The following TBL1XR1 variants were observed in gnomAD, a reference collection of about 807,000 sequenced individuals.
TBL1XR1 encodes the protein F-box-like/WD repeat-containing protein TBL1XR1.
Under a neutral mutation model 66.9 loss-of-function variants are expected in TBL1XR1, and 5 were observed. That is an observed-to-expected ratio of 0.07 (90% confidence interval 0.04 to 0.16). The LOEUF is 0.16. TBL1XR1 is among the 10% of genes least tolerant of loss of function. TBL1XR1 has a pLI of 1.00. For synonymous variants in TBL1XR1, 210 were observed against 206.0 expected (o/e 1.02, Z -0.17); for missense variants, 238 against 623.2 (o/e 0.38, Z 6.58).
chr3:177,144,170 C>T (rs1453858997), intron 1 of TBL1XR1, among the ~76,000 whole-genome samples: 4 of 151,854 alleles, frequency 2.6e-5, no homozygotes, highest in African/African-American at 9.7e-5. Context: ...GCTTGAACCC[C>T]GGGAGGCGGA....
intron 1 of TBL1XR1, among the ~76,000 whole-genome samples, chr3:177,134,300 A>T (rs1190877462): frequency 6.6e-6 from 1 of 152,166 alleles, no homozygotes; most frequent in Non-Finnish European, 1.5e-5. Flanking sequence ...CAAGAGTATG[A>T]AAGAGGTCAC....
At chr3:177,192,078 G>C (rs1010801041) in intron 1 of TBL1XR1, among the ~76,000 whole-genome samples, 3 of 128,570 alleles carry the variant, frequency 2.3e-5, no homozygotes, top group African/African-American at 9.0e-5. Context: ...GGGTGACAGA[G>C]CAAGACTCTG....
chr3:177,108,746 A>C (rs1311370160), intron 1 of TBL1XR1, among the ~76,000 whole-genome samples: 1 of 152,220 alleles, frequency 6.6e-6, no homozygotes, highest in African/African-American at 2.4e-5. Context: ...AGTTTAAAAA[A>C]TACTAATGGT....
intron 4 of TBL1XR1, 143 bp from the exon 5 acceptor site, chr3:177,051,869 C>G (rs1255029501): frequency 1.9e-6 from 2 of 1,056,770 alleles, no homozygotes; most frequent in Non-Finnish European, 2.6e-6. Flanking sequence ...ATAAGAAGTC[C>G]GGAGGGAATA....
At chr3:177,113,484 TA>T (rs1440011069) in intron 1 of TBL1XR1, among the ~76,000 whole-genome samples, 1 of 152,110 alleles carries the variant, frequency 6.6e-6, no homozygotes, top group Non-Finnish European at 1.5e-5. Context: ...AAATAATATC[TA>T]AAAGAACTTA....
At chr3:177,062,759 T>A (rs1718680249) in intron 3 of TBL1XR1, among the ~76,000 whole-genome samples, 1 of 152,312 alleles carries the variant, frequency 6.6e-6, no homozygotes, top group African/African-American at 2.4e-5. Context: ...AATTTTTTTT[T>A]AATTCTTGGT....
chr3:177,156,532 CACACACACACACACACTTATATATATAT>C (rs2108872249), intron 1 of TBL1XR1, among the ~76,000 whole-genome samples: 1 of 149,544 alleles, frequency 6.7e-6, no homozygotes, highest in South Asian at 2.1e-4. Context: ...CACACACACA[CACACACACACACACACTTATATATATAT>C]ACACACACAT....
At chr3:177,178,569 G>A (rs902514626) in intron 1 of TBL1XR1, among the ~76,000 whole-genome samples, 29 of 152,192 alleles carry the variant, frequency 1.9e-4, no homozygotes, top group Non-Finnish European at 3.8e-4. Context: ...ACTTTCAGGT[G>A]AAGGAAGCAC....
intron 1 of TBL1XR1, among the ~76,000 whole-genome samples, chr3:177,158,401 G>A (rs1210609002): frequency 6.6e-6 from 1 of 151,780 alleles, no homozygotes; most frequent in Non-Finnish European, 1.5e-5. Context: ...GCTAATTTTT[G>A]TATTTTTAGT....
At chr3:177,077,975 T>C (rs1720898214) in intron 2 of TBL1XR1, among the ~76,000 whole-genome samples, 1 of 152,212 alleles carries the variant, frequency 6.6e-6, no homozygotes, top group African/African-American at 2.4e-5. Context: ...GGAGCCCCAG[T>C]TTCTTCAACT....
At chr3:177,046,705 C>T (rs1716369277) in intron 9 of TBL1XR1, among the ~76,000 whole-genome samples, 1 of 152,104 alleles carries the variant, frequency 6.6e-6, no homozygotes, top group South Asian at 2.1e-4. Flanking sequence ...CTTCACTTTT[C>T]TTCCCCTTTT....
intron 1 of TBL1XR1, among the ~76,000 whole-genome samples, chr3:177,105,887 G>T (rs1724819362): frequency 6.6e-6 from 1 of 152,096 alleles, no homozygotes; most frequent in African/African-American, 2.4e-5. Flanking sequence ...TACTAGTCAG[G>T]TCTAATTATT....
At chr3:177,138,770 G>A (rs1348821226) in intron 1 of TBL1XR1, among the ~76,000 whole-genome samples, 1 of 151,814 alleles carries the variant, frequency 6.6e-6, no homozygotes, top group Non-Finnish European at 1.5e-5. Context: ...AGGGAAAGAG[G>A]AAGGGATCTC....
At chr3:177,110,589 A>C (rs1267455827) in intron 1 of TBL1XR1, among the ~76,000 whole-genome samples, 1 of 152,216 alleles carries the variant, frequency 6.6e-6, no homozygotes, top group African/African-American at 2.4e-5. Context: ...ATAAAGCTAG[A>C]ACTATGAAGA....
At chr3:177,082,023 C>G (rs1721460616) in intron 2 of TBL1XR1, among the ~76,000 whole-genome samples, 2 of 152,108 alleles carry the variant, frequency 1.3e-5, no homozygotes, top group African/African-American at 4.8e-5. Flanking sequence ...AAATTTCTAT[C>G]TGGAAGGCAT....
intron 14 of TBL1XR1, 131 bp downstream of exon 14, chr3:177,032,840 T>C (rs967567365): frequency 8.5e-6 from 6 of 703,814 alleles, no homozygotes; most frequent in Middle Eastern, 3.7e-4. Context: ...TTAGTTTCTA[T>C]CTTATTTTAA....
chr3:177,194,676 T>C (rs1736597453), intron 1 of TBL1XR1, among the ~76,000 whole-genome samples: 1 of 149,846 alleles, frequency 6.7e-6, no homozygotes, highest in South Asian at 2.1e-4. Flanking sequence ...CTTTTATCAG[T>C]ACCCCTTATA....
chr3:177,114,650 C>T (rs1681648), intron 1 of TBL1XR1, among the ~76,000 whole-genome samples: 150,748 of 151,988 alleles, frequency 0.99, 74,762 homozygotes, highest in East Asian at 1. Flanking sequence ...AACATAATGT[C>T]GTATGTCACT....
At chr3:177,083,713 T>C (rs1198645188) in intron 2 of TBL1XR1, among the ~76,000 whole-genome samples, 8 of 152,244 alleles carry the variant, frequency 5.3e-5, no homozygotes, top group Non-Finnish European at 1.0e-4. Flanking sequence ...TCAAAGAACT[T>C]GCAGTCATCA....
Sources: allele counts gnomAD v4.1 joint callset (sites outside exome capture counted in the v4.1 genomes callset), GRCh38; gene constraint gnomAD v4.1.1; transcripts MANE v1.5; gene names NCBI Gene and HGNC (gene_info 2026-07-23, HGNC 2026-07-21).